The following STARD13 variants were observed in gnomAD, a reference collection of about 807,000 sequenced individuals.
The protein encoded by STARD13 is stAR-related lipid transfer protein 13.
STARD13 carries 62 observed loss-of-function variants against 106.4 expected under a neutral mutation model. That is an observed-to-expected ratio of 0.58 (90% confidence interval 0.48 to 0.72). STARD13 has a LOEUF of 0.72. Among genes scored for constraint, STARD13 ranks in the 30% least tolerant of loss-of-function variants. The pLI is 0.00. For missense variants in STARD13, 1,387 were observed against 1,424.0 expected (o/e 0.97, Z 0.42); for synonymous variants, 565 against 553.0 (o/e 1.02, Z -0.31).
intron 1 of STARD13, among the ~76,000 whole-genome samples, chr13:33,318,562 A>C (rs1893430460): frequency 1.3e-5 from 2 of 152,186 alleles, no homozygotes; most frequent in Non-Finnish European, 2.9e-5. Flanking sequence ...AAAGAAAAAT[A>C]GATTAATTGG....
the STARD13 span, among the ~76,000 whole-genome samples, chr13:33,434,858 C>T: frequency 6.8e-6 from 1 of 146,776 alleles, no homozygotes; most frequent in Non-Finnish European, 1.5e-5. Context: ...ACTTTCTAGC[C>T]TATTGGAAAG....
chr13:33,137,296 G>C (rs1400031276), intron 4 of STARD13, among the ~76,000 whole-genome samples: 1 of 152,130 alleles, frequency 6.6e-6, no homozygotes, highest in Admixed American at 6.5e-5. Context: ...TTCTGTATAG[G>C]GCCATATCAT....
chr13:33,288,920 T>G (rs919567441), upstream of STARD13, among the ~76,000 whole-genome samples: 1 of 152,250 alleles, frequency 6.6e-6, no homozygotes, highest in African/African-American at 2.4e-5. Flanking sequence ...GCTATGAAAC[T>G]TGTATTTTTT....
chr13:33,124,352 C>A (rs1029960232), intron 7 of STARD13, among the ~76,000 whole-genome samples: 1 of 152,216 alleles, frequency 6.6e-6, no homozygotes, highest in Admixed American at 6.5e-5. Context: ...CGATGTCCTA[C>A]GGATTCTCCC....
At chr13:33,289,421 A>G (rs975554770), upstream of STARD13, among the ~76,000 whole-genome samples, 10 of 152,212 alleles carry the variant, frequency 6.6e-5, no homozygotes, top group Admixed American at 6.5e-4. Context: ...AGGTTTTTTA[A>G]CATTAATCTC....
At chr13:33,173,294 G>A (rs916891115) in intron 1 of STARD13, among the ~76,000 whole-genome samples, 13 of 152,162 alleles carry the variant, frequency 8.5e-5, no homozygotes, top group African/African-American at 2.7e-4. Context: ...AGTGAAGTCC[G>A]TATTTATTGA....
At chr13:33,550,165 C>T in the STARD13 span, among the ~76,000 whole-genome samples, 17 of 152,224 alleles carry the variant, frequency 1.1e-4, no homozygotes, top group South Asian at 1.5e-3. Context: ...ATCTTGCAGT[C>T]GTTAATCATT....
chr13:33,597,692 A>C, the STARD13 span, among the ~76,000 whole-genome samples: 4 of 151,850 alleles, frequency 2.6e-5, no homozygotes, highest in Non-Finnish European at 5.9e-5. Flanking sequence ...CTAAAAAAAA[A>C]AAAAATAGAA....
the STARD13 span, among the ~76,000 whole-genome samples, chr13:33,674,127 T>C: frequency 6.6e-6 from 1 of 152,214 alleles, no homozygotes; most frequent in Non-Finnish European, 1.5e-5. Context: ...CCCAGAGTGC[T>C]AGGATTACAG....
At chr13:33,167,464 A>C (rs1883452594) in intron 2 of STARD13, 87 bp downstream of exon 2, 2 of 1,412,240 alleles carry the variant, frequency 1.4e-6, no homozygotes, top group African/African-American at 2.9e-5. Flanking sequence ...AGAAAAAAAA[A>C]TCTGGAAGTC....
chr13:33,206,653 G>C (rs1360875124), intron 1 of STARD13, among the ~76,000 whole-genome samples: 2 of 152,310 alleles, frequency 1.3e-5, no homozygotes, highest in East Asian at 3.9e-4. Context: ...CAGATGAGAG[G>C]CAGTTGCTTC....
At chr13:33,288,639 G>C (rs557223830), upstream of STARD13, among the ~76,000 whole-genome samples, 1 of 148,624 alleles carries the variant, frequency 6.7e-6, no homozygotes, top group African/African-American at 2.5e-5. Context: ...AGCCAACTTA[G>C]AATGAAGCCT....
chr13:33,108,762 G>A (rs112197795), intron 12 of STARD13, among the ~76,000 whole-genome samples: 2,044 of 152,284 alleles, frequency 0.013, 12 homozygotes, highest in Non-Finnish European at 0.019. Flanking sequence ...GAGGAGGCAC[G>A]CTATGGCATG....
At chr13:33,147,974 T>C (rs1226277058) in intron 3 of STARD13, among the ~76,000 whole-genome samples, 1 of 152,166 alleles carries the variant, frequency 6.6e-6, no homozygotes, top group Admixed American at 6.5e-5. Context: ...GGATAAAAGG[T>C]AGTCTTTCCA....
the STARD13 span, among the ~76,000 whole-genome samples, chr13:33,540,223 A>G: frequency 6.6e-6 from 1 of 152,164 alleles, no homozygotes; most frequent in Non-Finnish European, 1.5e-5. Flanking sequence ...AATTTCACAG[A>G]TAGAAGACTG....
chr13:33,244,813 C>G (rs1889740016), intron 1 of STARD13, among the ~76,000 whole-genome samples: 1 of 152,156 alleles, frequency 6.6e-6, no homozygotes, highest in South Asian at 2.1e-4. Flanking sequence ...AAGGAGAAAC[C>G]AGCAGAAGAA....
chr13:33,565,919 C>T, the STARD13 span, among the ~76,000 whole-genome samples: 2 of 148,756 alleles, frequency 1.3e-5, 1 homozygote, highest in East Asian at 4.0e-4. Context: ...GCTTTTAAAG[C>T]ACTTCTACCT....
At chr13:33,544,220 A>C in the STARD13 span, among the ~76,000 whole-genome samples, 1 of 152,146 alleles carries the variant, frequency 6.6e-6, no homozygotes, top group African/African-American at 2.4e-5. Context: ...CATTTCCTCA[A>C]GTTCCCTTGT....
chr13:33,474,306 AACTGCTTT>A, the STARD13 span, among the ~76,000 whole-genome samples: 7 of 152,120 alleles, frequency 4.6e-5, no homozygotes, highest in Non-Finnish European at 8.8e-5. Flanking sequence ...CTGCCATGGA[AACTGCTTT>A]ACCCAAAATT....
Sources: allele counts gnomAD v4.1 joint callset (sites outside exome capture counted in the v4.1 genomes callset), GRCh38; gene constraint gnomAD v4.1.1; transcripts MANE v1.5; gene names NCBI Gene and HGNC (gene_info 2026-07-23, HGNC 2026-07-21).